ZIC2: variants seen among roughly 807,000 people sequenced by gnomAD.
ZIC2 encodes the protein Zic family zinc finger 2.
Under a neutral mutation model 29.5 loss-of-function variants are expected in ZIC2, and 7 were observed. The observed-to-expected ratio is 0.24, with a 90% CI of 0.14 to 0.45. ZIC2 has a LOEUF of 0.45. Ranked by LOEUF, ZIC2 falls within the 20% of genes least tolerant of loss-of-function variation. The pLI, the probability that ZIC2 is intolerant of heterozygous loss-of-function variation, is 1.00. For missense variants in ZIC2, 589 were observed against 781.2 expected, an observed-to-expected ratio of 0.75 and a Z score of 2.93; for synonymous variants, 408 against 354.2, an observed-to-expected ratio of 1.15 and a Z score of -1.70.
rs1342294859 is a variant in ZIC2 at position 99,985,893 on chromosome 13, G to A, written c.*211G>A. ...ATGAAGAGCAAAAATATCCCTTCCG[G>A]AGTCTTTGAAGCTGAAAATATAAAA... On this transcript the variant is annotated 3_prime_UTR_variant, in exon 3 of 3. Coordinates refer to ENST00000376335, the MANE Select transcript of ZIC2 (RefSeq NM_007129.5). The surrounding 1 kb of genome is among the most constrained non-coding windows in gnomAD (Gnocchi z 6.3). 3.4e-6 allele frequency: 1 copy of A among 291,096 alleles called. No individual in the cohort carries two copies. Among genetic ancestry groups the A allele is most frequent in the East Asian group, 9.0e-5 (1 of 11,152 alleles). The allele number at this position is 291,096 out of a possible 1,614,324, so 18.0% of individuals were successfully genotyped here.
intron 1 of ZIC2, chr13:99,984,167 G>T (rs564147631): frequency 6.6e-6 from 1 of 152,484 alleles, no homozygotes; most frequent in African/African-American, 2.4e-5. Context: ...GGAATTTAAC[G>T]TTAAACGGTC....
In ZIC2 at chr13:99,982,229, G is replaced by T; in HGVS notation, c.165G>T (p.Ala55=). ...ACGGCTTCGTTGACTCCGCCGCCGCGCACATGGGAGCCTTCAAGCTCAACC... is the reference window on the plus strand; with the variant it reads ...ACGGCTTCGTTGACTCCGCCGCCGCTCACATGGGAGCCTTCAAGCTCAACC... ...AQNGFVDSAA[A]HMGAFKLNPG... The change falls in exon 1 of 3, where the codon GCG becomes GCT. Residue 55 remains alanine, a synonymous_variant. Transcript: ENST00000376335. 1 of 1,511,320 alleles carries T rather than the reference G, an allele frequency of 6.6e-7. No individual in the cohort carries two copies. The highest frequency in any genetic ancestry group is 8.8e-7 in the Non-Finnish European group (1 of 1,136,536). 93.6% of individuals were successfully genotyped at this position (1,511,320 alleles called of 1,614,324 possible).
At position 99,985,491 on chromosome 13, in the gene ZIC2, GCGGTGT is replaced by G; in HGVS notation, c.1410_1415del (p.Val471_Ser472del). 8.2e-7 allele frequency: 1 copy of G among 1,216,720 alleles called. No homozygotes were observed. Among genetic ancestry groups the G allele is most frequent in the Non-Finnish European group, 1.0e-6 (1 of 985,144 alleles). The allele number at this position is 1,216,720 out of a possible 1,614,324, so 75.4% of individuals were successfully genotyped here. On this transcript the variant is annotated inframe_deletion, in exon 3 of 3. Coordinates refer to ENST00000376335, the MANE Select transcript of ZIC2 (RefSeq NM_007129.5). This position sits in a 1 kb window ranked among gnomAD's most constrained non-coding sequence, Gnocchi z 6.3. The stretch of plus-strand genomic sequence containing the variant: ...GGCGGCGGCTGCGGCGGCGGCGGCC[GCGGTGT>G]CCGCGGTGCACCGGGGCGGAGGCTC...
In ZIC2 at chr13:99,985,219, G is replaced by A. The variant is rs2053258165; in HGVS notation, c.1240-104G>A. On this transcript the variant is annotated intron_variant, in intron 2 of 2. Transcript: ENST00000376335. This position sits in a 1 kb window ranked among gnomAD's most constrained non-coding sequence, Gnocchi z 6.3. ...AGGGTCCCCAGGGGCCAGGGCGGCG[G>A]GGGGAACATTTCTGGGGGTGCTCTC... is the stretch of plus-strand genomic sequence containing the variant. 2 of 1,602,924 alleles carry A rather than the reference G, an allele frequency of 1.2e-6. No homozygotes were observed.
In ZIC2 at chr13:99,982,706, C is replaced by T. The variant is rs202231540; in HGVS notation, c.642C>T (p.Tyr214=). The T allele has an allele frequency of 3.8e-5, 61 of 1,600,928 alleles. No individual in the cohort carries two copies. The African/African-American group carries it at 7.5e-4, about 20-fold the overall frequency. ...CGGCGGCGCAACTCCACAACCAGTACGGCCCCATGAATATGAACATGGGTA... is the reference window on the plus strand; with the variant it reads ...CGGCGGCGCAACTCCACAACCAGTATGGCCCCATGAATATGAACATGGGTA... ...PYSAAQLHNQ[Y]GPMNMNMGMN... The change falls in exon 1 of 3, where the codon TAC becomes TAT. Residue 214 remains tyrosine, a synonymous_variant. Transcript: ENST00000376335.
chr13:99,981,913 G>T lies in ZIC2; in HGVS notation c.-152G>T. 8.1e-7 allele frequency: 1 copy of T among 1,233,828 alleles called. No homozygotes were observed. The highest frequency in any genetic ancestry group is 1.0e-6 in the Non-Finnish European group (1 of 979,552). 76.4% of individuals were successfully genotyped at this position (1,233,828 alleles called of 1,614,324 possible). Reference sequence around the variant, plus strand: ...CCAGGCGGCGGCGGAGGCGGCGGGCGCAGGAGAGCGGCTCCCAGGGCTGAA... The same window carrying T: ...CCAGGCGGCGGCGGAGGCGGCGGGCTCAGGAGAGCGGCTCCCAGGGCTGAA... On this transcript the variant is annotated 5_prime_UTR_variant, in exon 1 of 3. Coordinates refer to ENST00000376335, the MANE Select transcript of ZIC2 (RefSeq NM_007129.5).
rs1243412581 is a variant in ZIC2 at position 99,983,724 on chromosome 13, C to A, written c.1075+585C>A. On this transcript the variant is annotated intron_variant, in intron 1 of 2. Coordinates refer to ENST00000376335, the MANE Select transcript of ZIC2 (RefSeq NM_007129.5). The surrounding 1 kb of genome is among the most constrained non-coding windows in gnomAD (Gnocchi z 4.7). ...CGGGGGCTTTACTGTGGTTTCGCAG[C>A]AGTTTGTGAAATTCTCTAATGGGCA... 6.6e-6 allele frequency among the ~76,000 whole-genome samples: 1 copy of A among 152,192 alleles called. No homozygotes were observed. Among genetic ancestry groups the A allele is most frequent in the Non-Finnish European group, 1.5e-5 (1 of 68,042 alleles).
In ZIC2 at chr13:99,982,505, C is replaced by A; in HGVS notation, c.441C>A (p.His147Gln). 6.6e-7 allele frequency: 1 copy of A among 1,508,170 alleles called. No homozygotes were observed. The highest frequency in any genetic ancestry group is 1.3e-5 in the South Asian group (1 of 76,108). 93.4% of individuals were successfully genotyped at this position (1,508,170 alleles called of 1,614,324 possible). ...TCGGGCCGGGCGCGGGCGGCCTGCA[C>A]CACGCGCACTCGGACGCGCAGGGCC... ...GLFGPGAGGL[H>Q]HAHSDAQGHL... is the part of the protein sequence containing the mutation. Residue 147 changes from histidine (H) to glutamine (Q), a missense_variant, in exon 1 of 3, where the codon CAC becomes CAA. His to Gln is a conservative substitution (Grantham distance 24, BLOSUM62 0). Transcript: ENST00000376335.
rs746736339 is a variant in ZIC2, at chr13:99,985,451, GGCGGCGGCA to G, written c.1377_1385del (p.Ala468_Ala470del). ...AGAGCAGCTCCAACCTGTCCCCAGC[GGCGGCGGCA>G]GCGGCGGCGGCGGCTGCGGCGGCGG... On this transcript the variant is annotated inframe_deletion, in exon 3 of 3. Coordinates refer to ENST00000376335, the MANE Select transcript of ZIC2 (RefSeq NM_007129.5). The surrounding 1 kb of genome is among the most constrained non-coding windows in gnomAD (Gnocchi z 6.3). 1.3e-5 allele frequency: 19 copies of G among 1,408,670 alleles called. No individual in the cohort carries two copies. Among genetic ancestry groups the G allele is most frequent in the Admixed American group, 2.7e-5 (1 of 37,688 alleles). The allele number at this position is 1,408,670 out of a possible 1,614,324, so 87.3% of individuals were successfully genotyped here. A position where few individuals can be genotyped will look rare whatever the true frequency, so the allele number is the denominator to read the frequency against.
In ZIC2 at chr13:99,985,464, GCGGCGGCGGC is replaced by G. The variant is rs2053261025; in HGVS notation, c.1382_1391del (p.Ala461ValfsTer91). 1 of 1,353,878 alleles carries G rather than the reference GCGGCGGCGGC, an allele frequency of 7.4e-7. No homozygotes were observed. The highest frequency in any genetic ancestry group is 9.4e-7 in the Non-Finnish European group (1 of 1,061,694). 83.9% of individuals were successfully genotyped at this position (1,353,878 alleles called of 1,614,324 possible). ...CCTGTCCCCAGCGGCGGCGGCAGCG[GCGGCGGCGGC>G]TGCGGCGGCGGCGGCCGCGGTGTCC... On this transcript the variant is annotated frameshift_variant, in exon 3 of 3. Transcript: ENST00000376335. LOFTEE classifies it high-confidence loss of function. This position sits in a 1 kb window ranked among gnomAD's most constrained non-coding sequence, Gnocchi z 6.3.
In ZIC2 at chr13:99,982,987, C is replaced by T. The variant is rs201457686; in HGVS notation, c.923C>T (p.Pro308Leu). 1 of 1,614,152 alleles carries T rather than the reference C, an allele frequency of 6.2e-7. No individual in the cohort carries two copies. The highest frequency in any genetic ancestry group is 1.3e-5 in the African/African-American group (1 of 75,038). Residue 308 changes from proline (P) to leucine (L), a missense_variant, in exon 1 of 3, where the codon CCG (proline) becomes CTG (leucine). Coordinates refer to ENST00000376335, the MANE Select transcript of ZIC2 (RefSeq NM_007129.5). ...SNHVCFWEEC[P>L]REGKPFKAKY... ...CACGTCTGCTTCTGGGAGGAGTGTC[C>T]GCGCGAGGGCAAGCCCTTCAAGGCC...
At position 99,985,288 on chromosome 13, in the gene ZIC2, C is replaced by A; in HGVS notation, c.1240-35C>A. The A allele has an allele frequency of 6.3e-7, 1 of 1,599,580 alleles. No individual in the cohort carries two copies. Among genetic ancestry groups the A allele is most frequent in the Non-Finnish European group, 8.5e-7 (1 of 1,179,254 alleles). On this transcript the variant is annotated intron_variant, in intron 2 of 2. Coordinates refer to ENST00000376335, the MANE Select transcript of ZIC2 (RefSeq NM_007129.5). This position sits in a 1 kb window ranked among gnomAD's most constrained non-coding sequence, Gnocchi z 6.3. ...ACAGCAGCTGCACTCACACCCAGTC[C>A]CCTCTGGTCCCCCCTCCCGGCTTTT... is the stretch of plus-strand genomic sequence containing the variant.
Position 99,985,717 on chromosome 13 carries a change from C to T in ZIC2, c.*35C>T. On this transcript the variant is annotated 3_prime_UTR_variant, in exon 3 of 3. Coordinates refer to ENST00000376335, the MANE Select transcript of ZIC2 (RefSeq NM_007129.5). This position sits in a 1 kb window ranked among gnomAD's most constrained non-coding sequence, Gnocchi z 6.3. ...GCCTCTCTCCCTCTCCCTGTCCCCA[C>T]CCCAGCGCAGCAGCCCTCCCCGCAG... The T allele has an allele frequency of 2.4e-6, 3 of 1,270,124 alleles. No individual in the cohort carries two copies. Among genetic ancestry groups the T allele is most frequent in the Non-Finnish European group, 3.1e-6 (3 of 972,958 alleles). 78.7% of individuals were successfully genotyped at this position (1,270,124 alleles called of 1,614,324 possible). A position where few individuals can be genotyped will look rare whatever the true frequency, so the allele number is the denominator to read the frequency against.
At chr13:99,984,865 G>A (rs1339684758) in intron 1 of ZIC2, 81 bp from the exon 2 acceptor site, 1 of 1,592,736 alleles carries the variant, frequency 6.3e-7, no homozygotes, top group African/African-American at 1.3e-5. Flanking sequence ...CCCTCGCCGC[G>A]GCCCAGCCCC....
rs1048747160 is a variant in ZIC2 at position 99,983,373 on chromosome 13, A to G, written c.1075+234A>G. Among the ~76,000 whole-genome samples, 1 of 152,210 alleles carries G rather than the reference A, an allele frequency of 6.6e-6. No homozygotes were observed. The highest frequency in any genetic ancestry group is 2.4e-5 in the African/African-American group (1 of 41,454). The stretch of plus-strand genomic sequence containing the variant: ...TTTTGAATGATTAGCCTCACATCAA[A>G]TGTATGCTTGGGTCATGCAATTGCT... On this transcript the variant is annotated intron_variant, in intron 1 of 2. Coordinates refer to ENST00000376335, the MANE Select transcript of ZIC2 (RefSeq NM_007129.5). This position sits in a 1 kb window ranked among gnomAD's most constrained non-coding sequence, Gnocchi z 4.7.
rs138007077 is a variant in ZIC2, at chr13:99,982,943, C to T, written c.879C>T (p.Gly293=). The change falls in exon 1 of 3, where the codon GGC becomes GGT. Residue 293 remains glycine (G), a synonymous_variant. Transcript: ENST00000376335. Reference sequence around the variant, plus strand: ...CACACGTCTCGGTGGAGCACGTCGGCGGCCCGGAGCAGAGCAACCACGTCT... The same window carrying T: ...CACACGTCTCGGTGGAGCACGTCGGTGGCCCGGAGCAGAGCAACCACGTCT... ...LVTHVSVEHV[G]GPEQSNHVCF... 894 of 1,607,630 alleles carry T rather than the reference C, an allele frequency of 5.6e-4. No individual in the cohort carries two copies. The highest frequency in any genetic ancestry group is 7.2e-4 in the Non-Finnish European group (848 of 1,177,768).
chr13:99,985,646 C>A lies in ZIC2; in HGVS notation c.1563C>A (p.Ser521Arg), dbSNP rs1279334299. 6.9e-6 allele frequency: 9 copies of A among 1,297,446 alleles called. No homozygotes were observed. In the East Asian group the frequency reaches 3.1e-4, roughly 45 times the overall value. 80.4% of individuals were successfully genotyped at this position (1,297,446 alleles called of 1,614,324 possible). Residue 521 changes from serine (S) to arginine (R), a missense_variant, in exon 3 of 3, where the codon AGC becomes AGA. Coordinates refer to ENST00000376335, the MANE Select transcript of ZIC2 (RefSeq NM_007129.5). This position sits in a 1 kb window ranked among gnomAD's most constrained non-coding sequence, Gnocchi z 6.3. ...GGGSGTAGGH[S>R]GLSSNFNEWY... Reference sequence around the variant, plus strand: ...GCAGCGGGACAGCCGGGGGTCACAGCGGCCTCTCCTCCAACTTCAATGAAT... The same window carrying A: ...GCAGCGGGACAGCCGGGGGTCACAGAGGCCTCTCCTCCAACTTCAATGAAT...
Position 99,982,223 on chromosome 13 carries a change from C to T in ZIC2, c.159C>T (p.Ala53=). 1 of 1,513,446 alleles carries T rather than the reference C, an allele frequency of 6.6e-7. No individual in the cohort carries two copies. The highest frequency in any genetic ancestry group is 8.8e-7 in the Non-Finnish European group (1 of 1,137,730). 93.8% of individuals were successfully genotyped at this position (1,513,446 alleles called of 1,614,324 possible). A position where few individuals can be genotyped will look rare whatever the true frequency, so the allele number is the denominator to read the frequency against. Residue 53 remains alanine, a synonymous_variant, in exon 1 of 3, where the codon GCC becomes GCT. Coordinates refer to ENST00000376335, the MANE Select transcript of ZIC2 (RefSeq NM_007129.5). ...CGCAGAACGGCTTCGTTGACTCCGC[C>T]GCCGCGCACATGGGAGCCTTCAAGC... is the stretch of plus-strand genomic sequence containing the variant. ...AAAQNGFVDS[A]AAHMGAFKLN... is the part of the protein sequence containing the mutation.
In ZIC2 at chr13:99,985,277, C is replaced by T; in HGVS notation, c.1240-46C>T. ...GGCCCGGCCCCACAGCAGCTGCACTCACACCCAGTCCCCTCTGGTCCCCCC... is the reference window on the plus strand; with the variant it reads ...GGCCCGGCCCCACAGCAGCTGCACTTACACCCAGTCCCCTCTGGTCCCCCC... On this transcript the variant is annotated intron_variant, in intron 2 of 2. Coordinates refer to ENST00000376335, the MANE Select transcript of ZIC2 (RefSeq NM_007129.5). This position sits in a 1 kb window ranked among gnomAD's most constrained non-coding sequence, Gnocchi z 6.3. 1.2e-6 allele frequency: 2 copies of T among 1,600,794 alleles called. No individual in the cohort carries two copies. Among genetic ancestry groups the T allele is most frequent in the South Asian group, 2.2e-5 (2 of 91,030 alleles).
Sources: gnomAD v4.1 joint callset for allele counts (sites outside exome capture counted in the v4.1 genomes callset) on GRCh38, gnomAD v4.1.1 for gene constraint, Gnocchi (gnomAD v3.1) non-coding constraint, MANE v1.5 for transcripts, NCBI Gene and HGNC (gene_info 2026-07-23, HGNC 2026-07-21) for gene names.